SLIT3: variants seen among roughly 807,000 people sequenced by gnomAD.
SLIT3 encodes the protein slit homolog 3 protein.
In SLIT3, 68 loss-of-function variants were observed where a neutral mutation model predicts 184.0. That is an observed-to-expected ratio of 0.37 (90% CI 0.30 to 0.45). SLIT3 has a LOEUF of 0.45. Ranked by LOEUF, SLIT3 falls within the 20% of genes least tolerant of loss-of-function variation. SLIT3 has a pLI of 1.00. For synonymous variants in SLIT3, 831 were observed against 828.6 expected (o/e 1.00, Z -0.05); for missense variants, 1,707 against 2,026.0 (o/e 0.84, Z 3.02).
At position 168,749,679 on chromosome 5, in the gene SLIT3, G is replaced by A. The variant is rs773076178; in HGVS notation, c.1974-44C>T. 5 of 1,609,260 alleles carry A rather than the reference G, an allele frequency of 3.1e-6. No homozygotes were observed. The East Asian group carries it at 1.1e-4, about 36-fold the overall frequency. On this transcript the variant is annotated intron_variant, in intron 18 of 35. Transcript: ENST00000519560. ...GCTTAGCCTCCATCCTTCTACTGTG[G>A]GAGCGGCCCTGGGATCTGCTGCCCA... is the stretch of plus-strand genomic sequence containing the variant.
At chr5:169,148,370 A>G (rs186657384) in intron 4 of SLIT3, among the ~76,000 whole-genome samples, 146 of 152,356 alleles carry the variant, frequency 9.6e-4, no homozygotes, top group Middle Eastern at 3.4e-3. Context: ...ATAAAAATGA[A>G]TGATGATGAC....
chr5:169,236,486 T>C (rs1765206411), intron 3 of SLIT3, among the ~76,000 whole-genome samples: 1 of 152,092 alleles, frequency 6.6e-6, no homozygotes, highest in South Asian at 2.1e-4. Context: ...TTGTTTTTTT[T>C]TTTTTTGACT....
At chr5:168,963,122 C>T (rs1763073095) in intron 4 of SLIT3, among the ~76,000 whole-genome samples, 4 of 152,242 alleles carry the variant, frequency 2.6e-5, no homozygotes, top group South Asian at 2.1e-4. Context: ...TCTGATCCCA[C>T]TCCCTGTTTT....
intron 28 of SLIT3, among the ~76,000 whole-genome samples, chr5:168,695,595 G>A (rs537657237): frequency 6.6e-6 from 1 of 152,214 alleles, no homozygotes; most frequent in African/African-American, 2.4e-5. Context: ...CACCAAAATT[G>A]GTAGCATTTT....
At chr5:169,232,938 CTTTAA>C (rs1385506189) in intron 3 of SLIT3, among the ~76,000 whole-genome samples, 4 of 152,184 alleles carry the variant, frequency 2.6e-5, no homozygotes, top group Admixed American at 6.5e-5. Flanking sequence ...TTTGACTCAT[CTTTAA>C]TTTCTTCCAG....
intron 4 of SLIT3, among the ~76,000 whole-genome samples, chr5:169,134,959 T>C (rs1761448619): frequency 6.6e-6 from 1 of 152,224 alleles, no homozygotes; most frequent in East Asian, 1.9e-4. Context: ...CCACTATATA[T>C]CCAGTGTCCA....
At chr5:168,936,538 T>C (rs1231680867) in intron 4 of SLIT3, among the ~76,000 whole-genome samples, 1 of 152,132 alleles carries the variant, frequency 6.6e-6, no homozygotes, top group East Asian at 1.9e-4. Flanking sequence ...TGGTAGCTTT[T>C]CCTCTTAGAG....
intron 4 of SLIT3, chr5:169,036,342 C>G (rs549681658): frequency 1.3e-5 from 2 of 152,242 alleles, no homozygotes; most frequent in African/African-American, 4.8e-5. Flanking sequence ...CCAGCCTCAG[C>G]TTTTAACATC....
chr5:168,749,402 T>C (rs2113461149), intron 19 of SLIT3, 70 bp downstream of exon 19: 1 of 1,560,796 alleles, frequency 6.4e-7, no homozygotes, highest in Non-Finnish European at 8.8e-7. Flanking sequence ...AGTATCTGAT[T>C]GTGCATCTTC....
In SLIT3 at chr5:168,697,350, T is replaced by C. The variant is rs114650516; in HGVS notation, c.2943-919A>G. On this transcript the variant is annotated intron_variant, in intron 27 of 35. Transcript: ENST00000519560. ...TAAAAACCTCAACTGCCTGCATCTC[T>C]GCCTGATCTTGGTCATATCCCCAGG... 5.6e-4 allele frequency among the ~76,000 whole-genome samples: 86 copies of C among 152,342 alleles called. 1 individual carries two copies. The highest frequency in any genetic ancestry group is 2.0e-3 in the African/African-American group (84 of 41,584).
intron 4 of SLIT3, among the ~76,000 whole-genome samples, chr5:168,965,321 A>G (rs941064811): frequency 1.3e-5 from 2 of 152,246 alleles, no homozygotes; most frequent in Non-Finnish European, 2.9e-5. Flanking sequence ...TCACTTCAAC[A>G]AGGAAAGATA....
In SLIT3 at chr5:168,748,369, C is replaced by G. The variant is rs1358181881; in HGVS notation, c.2203G>C (p.Val735Leu). ...AGCCCCTTGTTGCTGCATCGCACCA[C>G]TGTCTCCATACAGGTGCACTGCTCC... is the stretch of plus-strand genomic sequence containing the variant. ...CPEQCTCMETVVRCSNKGLRA... is the reference protein window; with the variant it reads ...CPEQCTCMETLVRCSNKGLRA... The change falls in exon 20 of 36, where the codon GTG becomes CTG. Residue 735 changes from valine (V) to leucine (L), a missense_variant. Val to Leu is a conservative substitution (Grantham distance 32). Transcript: ENST00000519560. The G allele has an allele frequency of 2.0e-6, 3 of 1,511,104 alleles. No individual in the cohort carries two copies. Among genetic ancestry groups the G allele is most frequent in the South Asian group, 2.6e-5 (2 of 75,548 alleles). The allele number at this position is 1,511,104 out of a possible 1,614,324, so 93.6% of individuals were successfully genotyped here. A position where few individuals can be genotyped will look rare whatever the true frequency, so the allele number is the denominator to read the frequency against.
intron 4 of SLIT3, among the ~76,000 whole-genome samples, chr5:169,031,494 C>A (rs115613797): frequency 6.6e-6 from 1 of 152,178 alleles, no homozygotes; most frequent in African/African-American, 2.4e-5. Flanking sequence ...AGTGGGGTCT[C>A]ACCCAAACAG....
At chr5:168,733,120 A>G (rs1763335923) in intron 20 of SLIT3, among the ~76,000 whole-genome samples, 1 of 152,140 alleles carries the variant, frequency 6.6e-6, no homozygotes, top group Non-Finnish European at 1.5e-5. Context: ...AACCATTAAA[A>G]AGCGGGCAAA....
chr5:168,666,132 AT>A lies in SLIT3; in HGVS notation c.*321del, dbSNP rs200161330. The A allele has an allele frequency of 3.5e-3, 671 of 193,294 alleles. 2 individuals carry two copies. The highest frequency in any genetic ancestry group is 0.015 in the African/African-American group (633 of 43,196). The allele number at this position is 193,294 out of a possible 1,614,324, so 12.0% of individuals were successfully genotyped here. On this transcript the variant is annotated 3_prime_UTR_variant, in exon 36 of 36. Transcript: ENST00000519560. ...TGTTTTAAAGCATTTTTATTAGTCT[AT>A]TTTTTTCTTAAATTTTTAAACAGCT... is the stretch of plus-strand genomic sequence containing the variant.
intron 4 of SLIT3, among the ~76,000 whole-genome samples, chr5:169,088,367 C>T (rs1045473168): frequency 2.6e-5 from 4 of 151,904 alleles, no homozygotes; most frequent in Non-Finnish European, 5.9e-5. Context: ...GTACTGCCTC[C>T]TACTCCCCTG....
At chr5:168,828,522 T>C (rs1757774230) in intron 6 of SLIT3, among the ~76,000 whole-genome samples, 1 of 151,344 alleles carries the variant, frequency 6.6e-6, no homozygotes, top group African/African-American at 2.4e-5. Context: ...TAGCTGGGTA[T>C]GGTGGTGAGC....
At chr5:169,106,638 C>T (rs1760218525) in intron 4 of SLIT3, among the ~76,000 whole-genome samples, 1 of 152,178 alleles carries the variant, frequency 6.6e-6, no homozygotes, top group Non-Finnish European at 1.5e-5. Context: ...TGAGCTTCCC[C>T]ATCCCTGATG....
chr5:168,755,414 TTTCTTTC>T (rs1754884754), intron 16 of SLIT3, among the ~76,000 whole-genome samples: 2 of 27,956 alleles, frequency 7.2e-5, no homozygotes, highest in African/African-American at 6.0e-4. Context: ...TCTTTCTTTC[TTTCTTTC>T]TTTCTTTCTT....
Sources: gnomAD v4.1 joint callset for allele counts (sites outside exome capture counted in the v4.1 genomes callset) on GRCh38, gnomAD v4.1.1 for gene constraint, MANE v1.5 for transcripts, NCBI Gene and HGNC (gene_info 2026-07-23, HGNC 2026-07-21) for gene names.